The following TTC29 variants were observed in gnomAD, a reference collection of about 807,000 sequenced individuals.
TTC29 encodes the protein tetratricopeptide repeat protein 29.
Under a neutral mutation model 58.1 loss-of-function variants are expected in TTC29, and 49 were observed. That is an observed-to-expected ratio of 0.84 (90% confidence interval 0.67 to 1.07). TTC29 has a LOEUF of 1.07. Among genes scored for constraint, TTC29 ranks in the 50% least tolerant of loss-of-function variants. TTC29 has a pLI of 0.00. For missense variants in TTC29, 582 were observed against 555.6 expected, an observed-to-expected ratio of 1.05 and a Z score of -0.48; for synonymous variants, 209 against 196.8, an observed-to-expected ratio of 1.06 and a Z score of -0.52.
intron 11 of TTC29, among the ~76,000 whole-genome samples, chr4:146,758,596 A>G (rs1746630868): frequency 6.6e-6 from 1 of 152,162 alleles, no homozygotes; most frequent in African/African-American, 2.4e-5. Flanking sequence ...AGGCCATAAA[A>G]CAAGCCTCAA....
intron 4 of TTC29, among the ~76,000 whole-genome samples, chr4:146,930,120 C>T (rs7666850): frequency 0.21 from 9,127 of 43,872 alleles, 1,119 homozygotes; most frequent in African/African-American, 0.41. Context: ...TATATATATA[C>T]ACACATATAT....
At chr4:146,822,206 T>C (rs990575973) in intron 9 of TTC29, among the ~76,000 whole-genome samples, 9 of 150,360 alleles carry the variant, frequency 6.0e-5, no homozygotes, top group African/African-American at 2.2e-4. Flanking sequence ...GCTGCACCTA[T>C]TGATCCATCC....
intron 11 of TTC29, among the ~76,000 whole-genome samples, chr4:146,760,844 C>CTATATATATATGATGGAATACTATATA (rs1419376659): frequency 1.5e-5 from 2 of 136,772 alleles, no homozygotes; most frequent in African/African-American, 2.8e-5. Context: ...TGATGGAATA[C>CTATATATATATGATGGAATACTATATA]TATATATATA....
At chr4:146,918,430 A>T (rs1234235855) in intron 4 of TTC29, among the ~76,000 whole-genome samples, 1 of 151,168 alleles carries the variant, frequency 6.6e-6, no homozygotes, top group Non-Finnish European at 1.5e-5. Flanking sequence ...AACATGGGTG[A>T]TTATATTTTA....
In TTC29 at chr4:146,738,802, C is replaced by T. The variant is rs114028333; in HGVS notation, c.1331-31251G>A. Reference sequence around the variant, plus strand: ...CTACCTTATACTCTGGGGGAAGGAACGCTGACGTCATGAAGCTTCCATAAA... The same window carrying T: ...CTACCTTATACTCTGGGGGAAGGAATGCTGACGTCATGAAGCTTCCATAAA... On this transcript the variant is annotated intron_variant, in intron 11 of 12. Coordinates refer to ENST00000325106, the MANE Select transcript of TTC29 (RefSeq NM_031956.4). Among the ~76,000 whole-genome samples, 256 of 152,170 alleles carry T rather than the reference C, an allele frequency of 1.7e-3. 1 individual carries two copies. Among genetic ancestry groups the T allele is most frequent in the African/African-American group, 5.8e-3 (242 of 41,532 alleles).
chr4:146,855,896 T>C (rs1029077219), intron 8 of TTC29, among the ~76,000 whole-genome samples: 5 of 152,204 alleles, frequency 3.3e-5, no homozygotes, highest in African/African-American at 7.2e-5. Context: ...AATCCTATAA[T>C]CTTCTCTGGG....
intron 11 of TTC29, among the ~76,000 whole-genome samples, chr4:146,759,117 A>G (rs1746679444): frequency 6.6e-6 from 1 of 152,144 alleles, no homozygotes; most frequent in South Asian, 2.1e-4. Context: ...GAAAATCCAT[A>G]TAATCTCACT....
intron 11 of TTC29, among the ~76,000 whole-genome samples, chr4:146,791,134 T>C (rs1017681779): frequency 1.3e-5 from 2 of 152,238 alleles, no homozygotes; most frequent in Non-Finnish European, 2.9e-5. Flanking sequence ...TATAGATTGT[T>C]CCATTTATAA....
intron 4 of TTC29, among the ~76,000 whole-genome samples, chr4:146,917,446 A>T (rs1472075483): frequency 6.7e-6 from 1 of 148,414 alleles, no homozygotes; most frequent in Non-Finnish European, 1.5e-5. Flanking sequence ...GAATTTATAG[A>T]CCATATTCAC....
intron 8 of TTC29, among the ~76,000 whole-genome samples, chr4:146,836,859 G>A (rs1728545214): frequency 6.6e-6 from 1 of 152,072 alleles, no homozygotes. Context: ...GCTGGCAAAG[G>A]TTGTGGAGAA....
chr4:146,770,704 C>T (rs895077798), intron 11 of TTC29, among the ~76,000 whole-genome samples: 1 of 151,898 alleles, frequency 6.6e-6, no homozygotes, highest in South Asian at 2.1e-4. Flanking sequence ...GTTCAGATTC[C>T]AGCTATGTTA....
intron 11 of TTC29, among the ~76,000 whole-genome samples, chr4:146,753,294 T>A (rs1021158308): frequency 1.3e-5 from 2 of 152,014 alleles, no homozygotes; most frequent in Non-Finnish European, 2.9e-5. Context: ...AAAAAACACA[T>A]GAAAAAATGC....
At chr4:146,795,308 G>A (rs1297202717) in intron 11 of TTC29, among the ~76,000 whole-genome samples, 1 of 152,078 alleles carries the variant, frequency 6.6e-6, no homozygotes, top group Admixed American at 6.6e-5. Flanking sequence ...GGATGGACTG[G>A]CATTAAAATG....
intron 11 of TTC29, among the ~76,000 whole-genome samples, chr4:146,728,994 C>T (rs1744124032): frequency 6.6e-6 from 1 of 150,830 alleles, no homozygotes; most frequent in Non-Finnish European, 1.5e-5. Flanking sequence ...CCAGTGCCTC[C>T]CTCAGCCAAT....
chr4:146,858,593 T>C (rs532684515), intron 8 of TTC29, among the ~76,000 whole-genome samples: 1 of 152,332 alleles, frequency 6.6e-6, no homozygotes, highest in Non-Finnish European at 1.5e-5. Context: ...TGTGATTTCA[T>C]AGATGTATGA....
intron 4 of TTC29, among the ~76,000 whole-genome samples, chr4:146,910,206 G>T (rs1733808227): frequency 6.6e-6 from 1 of 151,954 alleles, no homozygotes; most frequent in South Asian, 2.1e-4. Context: ...ATTGAGTCCA[G>T]TTTTGCCTCA....
intron 10 of TTC29, chr4:146,812,835 C>T (rs2150130403): frequency 6.6e-6 from 1 of 152,284 alleles, no homozygotes; most frequent in Admixed American, 6.5e-5. Context: ...TAAATCTCTT[C>T]TCCAAAGGTT....
chr4:146,799,658 A>G (rs1750076866), intron 11 of TTC29, among the ~76,000 whole-genome samples: 1 of 152,192 alleles, frequency 6.6e-6, no homozygotes, highest in African/African-American at 2.4e-5. Flanking sequence ...CTATATTTCT[A>G]TAGTCAGGAT....
At chr4:146,752,423 C>T (rs557695424) in intron 11 of TTC29, among the ~76,000 whole-genome samples, 1 of 149,318 alleles carries the variant, frequency 6.7e-6, no homozygotes, top group Non-Finnish European at 1.5e-5. Context: ...AATGGAAGAA[C>T]ATTCCATGCT....
Sources: allele counts gnomAD v4.1 joint callset (sites outside exome capture counted in the v4.1 genomes callset), GRCh38; gene constraint gnomAD v4.1.1; transcripts MANE v1.5; gene names NCBI Gene and HGNC (gene_info 2026-07-23, HGNC 2026-07-21).